The following DCST1 variants were observed in gnomAD, a reference collection of about 807,000 sequenced individuals.
DCST1 encodes DC-STAMP domain containing 1.
A neutral mutation model predicts 89.1 loss-of-function variants in DCST1; 78 were observed. The observed-to-expected ratio is 0.88, with a 90% confidence interval of 0.73 to 1.06. The LOEUF is 1.06. Among genes scored for constraint, DCST1 ranks in the 50% least tolerant of loss-of-function variants. The pLI, the probability that DCST1 is intolerant of heterozygous loss-of-function variation, is 0.00. For missense variants in DCST1, 900 were observed against 928.6 expected, an observed-to-expected ratio of 0.97 and a Z score of 0.40; for synonymous variants, 364 against 371.9, an observed-to-expected ratio of 0.98 and a Z score of 0.24.
Position 155,041,464 on chromosome 1 carries a change from A to G in DCST1, c.599A>G (p.Gln200Arg), listed in dbSNP as rs1361041315. Residue 200 changes from glutamine (Q) to arginine (R), a missense_variant, in exon 7 of 17, where the codon CAG becomes CGG. Physicochemically the swap from Gln to Arg is conservative, Grantham distance 43. Transcript: ENST00000295542. Reference sequence around the variant, plus strand: ...GCCACTTTTGAGGACCTGGATGCCCAGGTGAATAGTGAGACGGGCTACACG... The same window carrying G: ...GCCACTTTTGAGGACCTGGATGCCCGGGTGAATAGTGAGACGGGCTACACG... ...ISATFEDLDA[Q>R]VNSETGYTPE... 1 of 1,614,098 alleles carries G rather than the reference A, an allele frequency of 6.2e-7. No homozygotes were observed. The highest frequency in any genetic ancestry group is 8.5e-7 in the Non-Finnish European group (1 of 1,180,022).
intron 13 of DCST1, 29 bp downstream of exon 13, chr1:155,046,515 GC>G: frequency 1.2e-6 from 2 of 1,610,386 alleles, no homozygotes; most frequent in Admixed American, 1.7e-5. Flanking sequence ...CACATTCCAG[GC>G]CCAAGAGACA....
In DCST1 at chr1:155,048,153, C is replaced by A. The variant is rs140618773; in HGVS notation, c.1852C>A (p.Arg618=). The A allele has an allele frequency of 6.2e-7, 1 of 1,613,968 alleles. No homozygotes were observed. The highest frequency in any genetic ancestry group is 8.5e-7 in the Non-Finnish European group (1 of 1,179,964). ...LRRAAILRRE[R]QQKAPRHPLA... is the part of the protein sequence containing the mutation. ...GAGGGCCGCTATCCTGAGGCGGGAGCGACAGCAGAAGGCTCCGGTAAGTCC... is the reference window on the plus strand; with the variant it reads ...GAGGGCCGCTATCCTGAGGCGGGAGAGACAGCAGAAGGCTCCGGTAAGTCC... The change falls in exon 16 of 17, where the codon CGA becomes AGA. Residue 618 remains arginine (R), a synonymous_variant. Transcript: ENST00000295542.
At chr1:155,040,656 G>A (rs1318237968) in intron 6 of DCST1, 32 bp downstream of exon 6, 2 of 1,527,700 alleles carry the variant, frequency 1.3e-6, no homozygotes, top group African/African-American at 1.4e-5. Flanking sequence ...AGCCTGGGGG[G>A]TCCCTCTCCC....
At chr1:155,033,815 G>A, upstream of DCST1, 7 of 1,483,098 alleles carry the variant, frequency 4.7e-6, no homozygotes, top group Non-Finnish European at 6.4e-6. Context: ...CATATGTCTT[G>A]GAATCCTTGA....
At position 155,038,510 on chromosome 1, in the gene DCST1, A is replaced by G. The variant is rs147623520; in HGVS notation, c.263-893A>G. 6.5e-4 allele frequency among the ~76,000 whole-genome samples: 99 copies of G among 152,336 alleles called. 1 individual carries two copies. The East Asian group carries it at 0.016, about 25-fold the overall frequency. Reference sequence around the variant, plus strand: ...AAGAGATGATGGGGACTCTACCACGACAGTGGAGATGGAGGAAGTGTAAGG... The same window carrying G: ...AAGAGATGATGGGGACTCTACCACGGCAGTGGAGATGGAGGAAGTGTAAGG... On this transcript the variant is annotated intron_variant, in intron 4 of 16. Coordinates refer to ENST00000295542, the MANE Select transcript of DCST1 (RefSeq NM_152494.4).
chr1:155,039,304 G>T (rs965102079), intron 4 of DCST1, 99 bp from the exon 5 acceptor site: 3 of 1,411,580 alleles, frequency 2.1e-6, no homozygotes, highest in Non-Finnish European at 2.8e-6. Flanking sequence ...GATGGTGGTG[G>T]TTCCAGAAGG....
At chr1:155,042,940 G>C in intron 9 of DCST1, 84 bp downstream of exon 9, 3 of 1,555,256 alleles carry the variant, frequency 1.9e-6, no homozygotes, top group Non-Finnish European at 2.6e-6. Context: ...GGAAGGACAA[G>C]TGAGAGGGCA....
chr1:155,040,462 C>T (rs1660406336), intron 5 of DCST1, 23 bp from the exon 6 acceptor site: 1 of 1,590,484 alleles, frequency 6.3e-7, no homozygotes, highest in East Asian at 2.3e-5. Flanking sequence ...AGGGAGGTGA[C>T]CAACCAGGGC....
In DCST1 at chr1:155,048,113, C is replaced by T. The variant is rs1329664348; in HGVS notation, c.1812C>T (p.Ala604=). ...LYNDLLKKRA[A]FTKLRRAAIL... is the part of the protein sequence containing the mutation. ...ATGACCTATTGAAGAAAAGAGCAGC[C>T]TTCACCAAACTCAGGAGGGCCGCTA... The change falls in exon 16 of 17, where the codon GCC becomes GCT. Residue 604 remains alanine (A), a synonymous_variant. Coordinates refer to ENST00000295542, the MANE Select transcript of DCST1 (RefSeq NM_152494.4). The T allele has an allele frequency of 1.9e-6, 3 of 1,614,042 alleles. No individual in the cohort carries two copies. Among genetic ancestry groups the T allele is most frequent in the Admixed American group, 1.7e-5 (1 of 60,012 alleles).
rs1660682176 is a variant in DCST1, at chr1:155,047,283, C to T, written c.1583C>T (p.Ser528Leu). The change falls in exon 14 of 17, where the codon TCA becomes TTA. Residue 528 changes from serine to leucine, a missense_variant. By Grantham distance (145) the Ser-to-Leu change is moderately radical (BLOSUM62 -2). Coordinates refer to ENST00000295542, the MANE Select transcript of DCST1 (RefSeq NM_152494.4). Reference sequence around the variant, plus strand: ...ACCATTGGGGCCCTGAACACCTCCTCAGAGACAGTGATGGAATCAAACAAC... The same window carrying T: ...ACCATTGGGGCCCTGAACACCTCCTTAGAGACAGTGATGGAATCAAACAAC... ...RKTIGALNTS[S>L]ETVMESNNMP... The T allele has an allele frequency of 2.5e-6, 4 of 1,613,870 alleles. No homozygotes were observed. Among genetic ancestry groups the T allele is most frequent in the African/African-American group, 1.3e-5 (1 of 74,930 alleles).
Position 155,034,732 on chromosome 1 carries a change from G to C in DCST1, c.262+5G>C. On this transcript the variant is annotated splice_donor_5th_base_variant and intron_variant, in intron 4 of 16. Transcript: ENST00000295542. The stretch of plus-strand genomic sequence containing the variant: ...TGTTCTTGTACAGCTTGGTGGGTTA[G>C]TGCTGGGCAAAAGCCAGGAACACTC... The C allele has an allele frequency of 1.9e-6, 3 of 1,614,164 alleles. No individual in the cohort carries two copies. The highest frequency in any genetic ancestry group is 2.5e-6 in the Non-Finnish European group (3 of 1,180,050).
Position 155,034,541 on chromosome 1 carries a change from T to TGG in DCST1, c.173_174dup (p.Leu59GlyfsTer5). 6.2e-7 allele frequency: 1 copy of TGG among 1,613,556 alleles called. No homozygotes were observed. Among genetic ancestry groups the TGG allele is most frequent in the Non-Finnish European group, 8.5e-7 (1 of 1,179,964 alleles). On this transcript the variant is annotated frameshift_variant, in exon 3 of 17. Coordinates refer to ENST00000295542, the MANE Select transcript of DCST1 (RefSeq NM_152494.4). LOFTEE classifies it high-confidence loss of function. ...CTGCTCTCCTGCTGGGGGCAGGCGCTGGGGGGCTCCTGGCCATAGGTGAGT... is the reference window on the plus strand; with the variant it reads ...CTGCTCTCCTGCTGGGGGCAGGCGCTGGGGGGGGCTCCTGGCCATAGGTGAGT...
chr1:155,043,792 A>C (rs1319138879), intron 10 of DCST1, among the ~76,000 whole-genome samples: 2 of 150,126 alleles, frequency 1.3e-5, no homozygotes, highest in East Asian at 1.9e-4. Flanking sequence ...TTTAGCTTTG[A>C]CTTTTGATTT....
rs757716729 is a variant in DCST1 at position 155,047,213 on chromosome 1, G to A, written c.1513G>A (p.Val505Met). The A allele has an allele frequency of 4.3e-6, 7 of 1,614,224 alleles. No homozygotes were observed. Among genetic ancestry groups the A allele is most frequent in the Middle Eastern group, 1.7e-4 (1 of 6,060 alleles). Residue 505 changes from valine (V) to methionine (M), a missense_variant, in exon 14 of 17, where the codon GTG becomes ATG. Coordinates refer to ENST00000295542, the MANE Select transcript of DCST1 (RefSeq NM_152494.4). ...GGCCGCAGGCAGTCATAAACTGGAG[G>A]TGAAGGTCGGGGGAGACTCCATGCT... Reference protein sequence around the residue: ...YSFRSSHKLEVKVGGDSMLAR... With the variant: ...YSFRSSHKLEMKVGGDSMLAR...
In DCST1 at chr1:155,034,653, G is replaced by T; in HGVS notation, c.188G>T (p.Gly63Val). The T allele has an allele frequency of 6.2e-7, 1 of 1,614,142 alleles. No homozygotes were observed. Among genetic ancestry groups the T allele is most frequent in the South Asian group, 1.1e-5 (1 of 91,074 alleles). ...CTTTGGCTTGACCTTGTGCCCTTAG[G>T]TCTCTTTCAGCTCCTGGTGAACCCC... ...GAGAGGLLAI[G>V]LFQLLVNPMN... The change falls in exon 4 of 17, where the codon GGT becomes GTT. Residue 63 changes from glycine to valine, a missense_variant and splice_region_variant. Transcript: ENST00000295542.
At chr1:155,048,672 C>T (rs1449073481) in intron 16 of DCST1, among the ~76,000 whole-genome samples, 2 of 152,158 alleles carry the variant, frequency 1.3e-5, no homozygotes, top group South Asian at 2.1e-4. Context: ...GGGCTGTGCC[C>T]GTTTCTGAAT....
Position 155,041,490 on chromosome 1 carries a change from C to G in DCST1, c.625C>G (p.Pro209Ala). ...AQVNSETGYT[P>A]EDTMDSGETA... The stretch of plus-strand genomic sequence containing the variant: ...GGTGAATAGTGAGACGGGCTACACG[C>G]CTGAGGATACCATGGACTCAGGGGA... The change falls in exon 7 of 17, where the codon CCT becomes GCT. Residue 209 changes from proline to alanine, a missense_variant. Pro to Ala is a conservative substitution (Grantham distance 27). Transcript: ENST00000295542. 1 of 1,614,076 alleles carries G rather than the reference C, an allele frequency of 6.2e-7. No individual in the cohort carries two copies. The highest frequency in any genetic ancestry group is 1.1e-5 in the South Asian group (1 of 91,078).
At chr1:155,038,996 G>A (rs559306932) in intron 4 of DCST1, among the ~76,000 whole-genome samples, 1 of 152,278 alleles carries the variant, frequency 6.6e-6, no homozygotes, top group East Asian at 1.9e-4. Flanking sequence ...GTACTGAGGT[G>A]GGCTCTGATC....
intron 4 of DCST1, chr1:155,035,002 A>C: frequency 1.1e-5 from 5 of 473,360 alleles, no homozygotes; most frequent in African/African-American, 1.9e-5. Flanking sequence ...CATAACTCTC[A>C]TCTCTCCTGA....
Sources: allele counts gnomAD v4.1 joint callset (sites outside exome capture counted in the v4.1 genomes callset), GRCh38; gene constraint gnomAD v4.1.1; transcripts MANE v1.5; gene names NCBI Gene and HGNC (gene_info 2026-07-23, HGNC 2026-07-21).